The following GTF2A2 variants were observed in gnomAD, a reference collection of about 807,000 sequenced individuals.
The protein encoded by GTF2A2 is general transcription factor IIA subunit 2, also known as transcription initiation factor IIA subunit 2.
In GTF2A2, 9 loss-of-function variants were observed where a neutral mutation model predicts 14.3. The ratio of observed to expected loss-of-function variants is 0.63; its 90% CI spans 0.38 to 1.10. GTF2A2 has a LOEUF of 1.10. GTF2A2 is among the 50% of genes least tolerant of loss of function. GTF2A2 has a pLI of 0.01. For synonymous variants in GTF2A2, 56 were observed against 46.0 expected (o/e 1.22, Z -0.88); for missense variants, 90 against 124.6 (o/e 0.72, Z 1.32).
At position 59,638,652 on chromosome 15, in the gene GTF2A2, TA is replaced by T. The variant is rs1209816078; in HGVS notation, c.*479del. The T allele has an allele frequency of 1.3e-5, 2 of 152,436 alleles. No individual in the cohort carries two copies. Among genetic ancestry groups the T allele is most frequent in the Non-Finnish European group, 2.9e-5 (2 of 68,212 alleles). The allele number at this position is 152,436 out of a possible 1,614,324, so 9.4% of individuals were successfully genotyped here. On this transcript the variant is annotated 3_prime_UTR_variant, in exon 5 of 5. Transcript: ENST00000396060. ...ATACCAATGATTAACTTTGGTTTTG[TA>T]TTTTAAAAAGCAAGGGATTTTCTTA...
chr15:59,652,307 T>C lies in GTF2A2; in HGVS notation c.-30A>G, dbSNP rs750744900. 7.6e-7 allele frequency: 1 copy of C among 1,322,860 alleles called. No individual in the cohort carries two copies. The highest frequency in any genetic ancestry group is 1.2e-5 in the South Asian group (1 of 81,324). The allele number at this position is 1,322,860 out of a possible 1,614,324, so 81.9% of individuals were successfully genotyped here. Reference sequence around the variant, plus strand: ...TAGGAGGAAGAATTTGTTTTTCTTATTCAAGCTTGCATTGATGTCCTAAAA... The same window carrying C: ...TAGGAGGAAGAATTTGTTTTTCTTACTCAAGCTTGCATTGATGTCCTAAAA... On this transcript the variant is annotated 5_prime_UTR_variant, in exon 2 of 5. Transcript: ENST00000396060.
At chr15:59,644,059 T>G (rs540190752) in intron 3 of GTF2A2, among the ~76,000 whole-genome samples, 1 of 152,196 alleles carries the variant, frequency 6.6e-6, no homozygotes, top group South Asian at 2.1e-4. Flanking sequence ...CATGTCAGAC[T>G]TATTTTTGTA....
In GTF2A2 at chr15:59,638,980, CAG is replaced by C. The variant is rs1891282573; in HGVS notation, c.*150_*151del. On this transcript the variant is annotated 3_prime_UTR_variant, in exon 5 of 5. Transcript: ENST00000396060. ...ATAATAAAGGTGATGTAAGAGGCTA[CAG>C]AGTTACAAGTTTCTTTCTACTGGAA... 3 of 623,346 alleles carry C rather than the reference CAG, an allele frequency of 4.8e-6. No individual in the cohort carries two copies. The highest frequency in any genetic ancestry group is 3.8e-5 in the African/African-American group (2 of 53,258). The allele number at this position is 623,346 out of a possible 1,614,324, so 38.6% of individuals were successfully genotyped here.
chr15:59,640,512 T>TAATAAAATTAAA (rs1173693083), intron 4 of GTF2A2, among the ~76,000 whole-genome samples: 4 of 152,158 alleles, frequency 2.6e-5, no homozygotes, highest in African/African-American at 9.7e-5. Context: ...AAATTCAAAT[T>TAATAAAATTAAA]AATAAAATTA....
At position 59,638,445 on chromosome 15, in the gene GTF2A2, T is replaced by C. The variant is rs1488298870; in HGVS notation, c.*687A>G. 1.3e-5 allele frequency: 2 copies of C among 149,314 alleles called. No individual in the cohort carries two copies. Among genetic ancestry groups the C allele is most frequent in the Non-Finnish European group, 3.0e-5 (2 of 67,100 alleles). 9.2% of individuals were successfully genotyped at this position (149,314 alleles called of 1,614,324 possible). ...TAAGTCTAATGTATCTTGTACATGA[T>C]AAAATGTATGAACTTTGGATCAATA... On this transcript the variant is annotated 3_prime_UTR_variant, in exon 5 of 5. Transcript: ENST00000396060.
At chr15:59,643,070 T>TA (rs1159874237) in intron 3 of GTF2A2, among the ~76,000 whole-genome samples, 34 of 130,262 alleles carry the variant, frequency 2.6e-4, no homozygotes, top group Admixed American at 1.1e-3. Flanking sequence ...CTGGCCTATA[T>TA]AATTTTTTTT....
At position 59,650,779 on chromosome 15, in the gene GTF2A2, A is replaced by G. The variant is rs1461646064; in HGVS notation, c.73-6T>C. On this transcript the variant is annotated splice_polypyrimidine_tract_variant and splice_region_variant and intron_variant, in intron 2 of 4. Transcript: ENST00000396060. ...TGGGGGGTGATCTGTTGAGACTGAG[A>G]AAAGGTAAAGGTCATAAATCCCGTT... 3 of 1,495,788 alleles carry G rather than the reference A, an allele frequency of 2.0e-6. No individual in the cohort carries two copies. In the African/African-American group the frequency reaches 4.1e-5, roughly 21 times the overall value. The allele number at this position is 1,495,788 out of a possible 1,614,324, so 92.7% of individuals were successfully genotyped here. A position where few individuals can be genotyped will look rare whatever the true frequency, so the allele number is the denominator to read the frequency against.
At chr15:59,643,186 TCTC>T (rs1281780626) in intron 3 of GTF2A2, among the ~76,000 whole-genome samples, 1 of 150,150 alleles carries the variant, frequency 6.7e-6, no homozygotes, top group East Asian at 2.0e-4. Context: ...TTCAAGCTAT[TCTC>T]CTGCCTCAGC....
intron 3 of GTF2A2, among the ~76,000 whole-genome samples, chr15:59,645,770 T>C (rs1434630507): frequency 6.6e-6 from 1 of 152,088 alleles, no homozygotes; most frequent in East Asian, 1.9e-4. Flanking sequence ...GTGTGGTGGC[T>C]CACACCTGTA....
At chr15:59,648,188 C>T (rs1180700564) in intron 3 of GTF2A2, among the ~76,000 whole-genome samples, 1 of 151,914 alleles carries the variant, frequency 6.6e-6, no homozygotes, top group Non-Finnish European at 1.5e-5. Flanking sequence ...GCGGGCGGAT[C>T]ATGAGGTCAG....
In GTF2A2 at chr15:59,639,173, GAAAGTAAAGT is replaced by G. The variant is rs145493984; in HGVS notation, c.305-26_305-17del. On this transcript the variant is annotated splice_polypyrimidine_tract_variant and intron_variant, in intron 4 of 4. Coordinates refer to ENST00000396060, the MANE Select transcript of GTF2A2 (RefSeq NM_004492.3). ...GAGCCAGTATCTAGGAAACAAAAGA[GAAAGTAAAGT>G]AAAGTAAATTCAAGGAGCAATTTAA... The G allele has an allele frequency of 6.4e-6, 9 of 1,403,718 alleles. No homozygotes were observed. Among genetic ancestry groups the G allele is most frequent in the African/African-American group, 2.9e-5 (2 of 69,342 alleles). 87.0% of individuals were successfully genotyped at this position (1,403,718 alleles called of 1,614,324 possible). A position where few individuals can be genotyped will look rare whatever the true frequency, so the allele number is the denominator to read the frequency against.
intron 3 of GTF2A2, among the ~76,000 whole-genome samples, chr15:59,642,622 T>C (rs1355439320): frequency 4.6e-5 from 7 of 152,258 alleles, no homozygotes; most frequent in African/African-American, 1.7e-4. Flanking sequence ...TATTTTATTG[T>C]GTATGTTAAT....
At chr15:59,645,301 G>A (rs1435108727) in intron 3 of GTF2A2, among the ~76,000 whole-genome samples, 1 of 152,148 alleles carries the variant, frequency 6.6e-6, no homozygotes, top group Non-Finnish European at 1.5e-5. Flanking sequence ...TTTAACCAAA[G>A]CCAGAGGGTT....
intron 4 of GTF2A2, among the ~76,000 whole-genome samples, chr15:59,641,784 A>C (rs1411712308): frequency 1.3e-5 from 2 of 152,202 alleles, no homozygotes; most frequent in Non-Finnish European, 1.5e-5. Flanking sequence ...GTCTCCAGCA[A>C]CATAGAAACC....
intron 3 of GTF2A2, among the ~76,000 whole-genome samples, chr15:59,643,453 G>A (rs1305390278): frequency 6.6e-6 from 1 of 151,806 alleles, no homozygotes; most frequent in African/African-American, 2.4e-5. Flanking sequence ...TTGGCCTCAA[G>A]CAATCCTCCC....
rs568938024 is a variant in GTF2A2 at position 59,654,921 on chromosome 15, C to T, written c.-50+2485G>A. On this transcript the variant is annotated intron_variant, in intron 1 of 4. Coordinates refer to ENST00000396060, the MANE Select transcript of GTF2A2 (RefSeq NM_004492.3). ...CTCTGAAATGCTCCAAAGAGCATTT[C>T]CTTTCAGTGTCATGTTGGTGCTCAA... Among the ~76,000 whole-genome samples, 12 of 152,258 alleles carry T rather than the reference C, an allele frequency of 7.9e-5. No homozygotes were observed. The South Asian group carries it at 2.5e-3, about 32-fold the overall frequency.
Position 59,641,181 on chromosome 15 carries a change from C to CTTTTTTTTTTT in GTF2A2, c.304+944_304+954dup, listed in dbSNP as rs374075324. Among the ~76,000 whole-genome samples, 16 of 141,366 alleles carry CTTTTTTTTTTT rather than the reference C, an allele frequency of 1.1e-4. 1 individual carries two copies. The highest frequency in any genetic ancestry group is 3.5e-4 in the African/African-American group (13 of 37,498). 92.7% of individuals were successfully genotyped at this position (141,366 alleles called of 152,430 possible). A position where few individuals can be genotyped will look rare whatever the true frequency, so the allele number is the denominator to read the frequency against. ...CCAGCCTGGGCAATACAGCAAGACTCTTTTTTTTTTTTTTTTTTTAAGGCT... is the reference window on the plus strand; with the variant it reads ...CCAGCCTGGGCAATACAGCAAGACTCTTTTTTTTTTTTTTTTTTTTTTTTTTTTTTAAGGCT... On this transcript the variant is annotated intron_variant, in intron 4 of 4. Transcript: ENST00000396060.
intron 3 of GTF2A2, among the ~76,000 whole-genome samples, chr15:59,648,716 C>T (rs1423130545): frequency 3.9e-5 from 6 of 151,992 alleles, no homozygotes; most frequent in Admixed American, 2.6e-4. Context: ...GGGCAGATCA[C>T]GAGGTCAGGA....
At chr15:59,641,678 T>G (rs770552365) in intron 4 of GTF2A2, among the ~76,000 whole-genome samples, 8 of 152,220 alleles carry the variant, frequency 5.3e-5, no homozygotes, top group Non-Finnish European at 1.2e-4. Flanking sequence ...CTTGCACATG[T>G]CATATTTAAC....
Sources: gnomAD v4.1 joint callset for allele counts (sites outside exome capture counted in the v4.1 genomes callset) on GRCh38, gnomAD v4.1.1 for gene constraint, MANE v1.5 for transcripts, NCBI Gene and HGNC (gene_info 2026-07-23, HGNC 2026-07-21) for gene names.